GLYATL2: variants seen among roughly 807,000 people sequenced by gnomAD.
GLYATL2 encodes the protein glycine-N-acyltransferase like 2.
In GLYATL2, 25 loss-of-function variants were observed where a neutral mutation model predicts 21.4. The ratio of observed to expected loss-of-function variants is 1.17; its 90% confidence interval spans 0.85 to 1.63. GLYATL2 has a LOEUF of 1.63. GLYATL2 is among the 40% of genes most tolerant of loss of function. The probability of loss-of-function intolerance (pLI) is 0.00; values close to 1 mark genes in which losing one functional copy is unlikely to be tolerated. For missense variants in GLYATL2, 361 were observed against 343.3 expected, an observed-to-expected ratio of 1.05 and a Z score of -0.41; for synonymous variants, 114 against 118.2, an observed-to-expected ratio of 0.96 and a Z score of 0.23.
At chr11:58,887,905 G>A (rs1048966230) in intron 1 of GLYATL2, among the ~76,000 whole-genome samples, 1 of 152,162 alleles carries the variant, frequency 6.6e-6, no homozygotes, top group Admixed American at 6.6e-5. Context: ...AGTAGGCACT[G>A]CCAGATTATC....
intron 1 of GLYATL2, among the ~76,000 whole-genome samples, chr11:58,894,732 G>A (rs2134624985): frequency 6.6e-6 from 1 of 152,300 alleles, no homozygotes; most frequent in East Asian, 1.9e-4. Flanking sequence ...CATCTTAGAA[G>A]GCTGTGGTAG....
At chr11:58,859,281 G>T (rs759883719) in intron 1 of GLYATL2, among the ~76,000 whole-genome samples, 3 of 151,784 alleles carry the variant, frequency 2.0e-5, no homozygotes, top group Non-Finnish European at 4.4e-5. Context: ...CTACCCTAGG[G>T]AATACCTGGA....
intron 1 of GLYATL2, among the ~76,000 whole-genome samples, chr11:58,883,854 A>G (rs1026345171): frequency 3.9e-5 from 6 of 152,220 alleles, no homozygotes; most frequent in African/African-American, 1.4e-4. Flanking sequence ...CAGCACATCA[A>G]AAAGCTTATT....
chr11:58,853,466 T>C (rs1164421888), intron 1 of GLYATL2, among the ~76,000 whole-genome samples: 1 of 152,176 alleles, frequency 6.6e-6, no homozygotes, highest in Non-Finnish European at 1.5e-5. Flanking sequence ...GATTTTAGTA[T>C]CACTGGGGGT....
At chr11:58,890,732 T>A (rs922230601) in intron 1 of GLYATL2, among the ~76,000 whole-genome samples, 18 of 151,928 alleles carry the variant, frequency 1.2e-4, no homozygotes, top group African/African-American at 4.1e-4. Flanking sequence ...ATTATAATTA[T>A]TTTTTTCTTT....
intron 1 of GLYATL2, among the ~76,000 whole-genome samples, chr11:58,870,635 C>T (rs1216557289): frequency 6.6e-6 from 1 of 152,190 alleles, no homozygotes; most frequent in Non-Finnish European, 1.5e-5. Context: ...TGGCAGATGA[C>T]ACAAGCCTCC....
chr11:58,893,076 T>C, intron 1 of GLYATL2: 1 of 396,398 alleles, frequency 2.5e-6, no homozygotes, highest in Non-Finnish European at 4.8e-6. Context: ...CCAAGCTGGG[T>C]GTCTCTTATT....
upstream of GLYATL2, among the ~76,000 whole-genome samples, chr11:58,845,629 G>A (rs541463315): frequency 1.3e-5 from 2 of 152,038 alleles, no homozygotes; most frequent in Non-Finnish European, 2.9e-5. Context: ...CCACTTTCTG[G>A]AAGTGAAAGA....
chr11:58,899,171 C>A (rs1367767447), intron 1 of GLYATL2, among the ~76,000 whole-genome samples: 1 of 152,126 alleles, frequency 6.6e-6, no homozygotes, highest in East Asian at 1.9e-4. Flanking sequence ...TTGAGATTAA[C>A]AACCAACATC....
intron 1 of GLYATL2, among the ~76,000 whole-genome samples, chr11:58,860,964 T>C (rs1216030749): frequency 6.6e-6 from 1 of 152,126 alleles, no homozygotes. Context: ...TCATGATTAA[T>C]GACCTTTTTG....
At chr11:58,889,085 G>T (rs1854494781) in intron 1 of GLYATL2, among the ~76,000 whole-genome samples, 1 of 149,290 alleles carries the variant, frequency 6.7e-6, no homozygotes, top group Admixed American at 6.6e-5. Flanking sequence ...GTTTTCCTGT[G>T]GTAAACTATG....
chr11:58,840,629 G>A (rs974050766), intron 1 of GLYATL2: 1 of 151,994 alleles, frequency 6.6e-6, no homozygotes, highest in Non-Finnish European at 1.5e-5. Flanking sequence ...CACAAGGTCA[G>A]GAGTTTGAGA....
chr11:58,869,585 T>A (rs947428113), intron 1 of GLYATL2, among the ~76,000 whole-genome samples: 1 of 152,198 alleles, frequency 6.6e-6, no homozygotes, highest in Non-Finnish European at 1.5e-5. Flanking sequence ...AGCTATTGGA[T>A]CTTTGTGTGT....
At chr11:58,890,433 T>C (rs1192261209) in intron 1 of GLYATL2, among the ~76,000 whole-genome samples, 3 of 152,124 alleles carry the variant, frequency 2.0e-5, no homozygotes, top group Admixed American at 6.5e-5. Context: ...TGCCCATCAA[T>C]AGTAGATTGG....
the GLYATL2 span, among the ~76,000 whole-genome samples, chr11:58,909,375 C>CT: frequency 6.6e-6 from 1 of 151,990 alleles, no homozygotes; most frequent in Non-Finnish European, 1.5e-5. Flanking sequence ...AATGATAGAT[C>CT]TTATGTTAAG....
chr11:58,839,955 C>A (rs1237768648), intron 1 of GLYATL2, among the ~76,000 whole-genome samples: 2 of 152,150 alleles, frequency 1.3e-5, no homozygotes, highest in African/African-American at 4.8e-5. Flanking sequence ...GAGTGAATGC[C>A]TTCAGCTGTC....
intron 1 of GLYATL2, among the ~76,000 whole-genome samples, chr11:58,872,400 G>A (rs958496555): frequency 1.5e-4 from 23 of 152,270 alleles, no homozygotes; most frequent in African/African-American, 5.3e-4. Context: ...TTTTCTTCTA[G>A]GGTTTTTATG....
At chr11:58,849,363 A>G (rs116538058), upstream of GLYATL2, among the ~76,000 whole-genome samples, 9 of 152,170 alleles carry the variant, frequency 5.9e-5, no homozygotes, top group Middle Eastern at 3.4e-3. Context: ...CAAGCAATCC[A>G]CCTACCTTGG....
chr11:58,834,470 C>A lies in GLYATL2; in HGVS notation c.844G>T (p.Gly282Cys). The change falls in exon 6 of 6, where the codon GGC becomes TGC. Residue 282 changes from glycine to cysteine, a missense_variant. Transcript: ENST00000287275. ...GGGGTGCATTTCCACTGATGCCAGC[C>A]ACAAGGACAAATCTTAAACCCCAAA... ...NNLGFKICPC[G>C]WHQWKCTPKK... is the part of the protein sequence containing the mutation. The A allele has an allele frequency of 3.1e-6, 5 of 1,606,896 alleles. No individual in the cohort carries two copies. Among genetic ancestry groups the A allele is most frequent in the Non-Finnish European group, 4.2e-6 (5 of 1,176,724 alleles).
Sources: allele counts gnomAD v4.1 joint callset (sites outside exome capture counted in the v4.1 genomes callset), GRCh38; gene constraint gnomAD v4.1.1; transcripts MANE v1.5; gene names NCBI Gene and HGNC (gene_info 2026-07-23, HGNC 2026-07-21).